MACROD2: variants seen among roughly 807,000 people sequenced by gnomAD.
MACROD2 encodes ADP-ribose glycohydrolase MACROD2.
A neutral mutation model predicts 70.4 loss-of-function variants in MACROD2; 36 were observed. The ratio of observed to expected loss-of-function variants is 0.51; its 90% CI spans 0.39 to 0.68. The LOEUF (loss-of-function observed/expected upper bound fraction) is 0.68, where lower values mean the gene tolerates loss of function less well. MACROD2 is among the 30% of genes least tolerant of loss of function. MACROD2 has a pLI of 0.00. For synonymous variants in MACROD2, 172 were observed against 178.8 expected, an observed-to-expected ratio of 0.96 and a Z score of 0.30; for missense variants, 496 against 538.4, an observed-to-expected ratio of 0.92 and a Z score of 0.78.
At chr20:14,159,193 G>T (rs530956282) in intron 3 of MACROD2, among the ~76,000 whole-genome samples, 1 of 152,220 alleles carries the variant, frequency 6.6e-6, no homozygotes, top group African/African-American at 2.4e-5. Context: ...AGCCTAGATT[G>T]CACCATTGCA....
chr20:15,243,016 C>A (rs175311), intron 6 of MACROD2, among the ~76,000 whole-genome samples: 40,706 of 152,144 alleles, frequency 0.27, 5,612 homozygotes, highest in Middle Eastern at 0.3. Flanking sequence ...ATGATTGTTT[C>A]AAAATGGTTC....
chr20:14,002,832 A>T (rs1161950134), intron 2 of MACROD2, among the ~76,000 whole-genome samples: 1 of 151,978 alleles, frequency 6.6e-6, no homozygotes, highest in Non-Finnish European at 1.5e-5. Flanking sequence ...ACCAAAGAAC[A>T]TTTCTCATTA....
chr20:14,307,851 G>T lies in MACROD2; in HGVS notation c.272-185628G>T, dbSNP rs139517502. 2.8e-3 allele frequency among the ~76,000 whole-genome samples: 426 copies of T among 152,110 alleles called. 3 individuals are homozygous for T. The highest frequency in any genetic ancestry group is 3.7e-3 in the Admixed American group (57 of 15,258). On this transcript the variant is annotated intron_variant, in intron 3 of 17. Transcript: ENST00000684519. ...TAGCATTTGAATTATAATCTCAGAGGATGTCCTTGATAGTGGAAGTATGGG... is the reference window on the plus strand; with the variant it reads ...TAGCATTTGAATTATAATCTCAGAGTATGTCCTTGATAGTGGAAGTATGGG...
At chr20:14,817,109 GT>G (rs1272035543) in intron 5 of MACROD2, among the ~76,000 whole-genome samples, 3 of 152,108 alleles carry the variant, frequency 2.0e-5, no homozygotes, top group Non-Finnish European at 4.4e-5. Flanking sequence ...CCGATTTACA[GT>G]TTTTCCTTTC....
intron 5 of MACROD2, among the ~76,000 whole-genome samples, chr20:15,189,418 G>C (rs1343614683): frequency 2.6e-5 from 4 of 152,084 alleles, no homozygotes; most frequent in African/African-American, 7.2e-5. Context: ...TAATTTTTCT[G>C]AGAATCAACC....
chr20:14,226,072 G>A (rs962819694), intron 3 of MACROD2, among the ~76,000 whole-genome samples: 6 of 152,210 alleles, frequency 3.9e-5, no homozygotes, highest in African/African-American at 1.4e-4. Context: ...TTGTTGATCA[G>A]TTCAGGTGGG....
intron 5 of MACROD2, among the ~76,000 whole-genome samples, chr20:14,933,166 C>A (rs1191809593): frequency 1.3e-5 from 2 of 151,764 alleles, no homozygotes; most frequent in African/African-American, 4.8e-5. Context: ...ACACAAAATC[C>A]CTTTATACAT....
chr20:15,515,959 C>T (rs1156605438), intron 8 of MACROD2, among the ~76,000 whole-genome samples: 1 of 152,170 alleles, frequency 6.6e-6, no homozygotes, highest in Non-Finnish European at 1.5e-5. Context: ...AAATTGGAGA[C>T]AGTCAAGACT....
chr20:15,980,321 G>A (rs757153297), intron 13 of MACROD2, among the ~76,000 whole-genome samples: 8 of 152,104 alleles, frequency 5.3e-5, no homozygotes, highest in African/African-American at 1.4e-4. Context: ...AATATAAAGC[G>A]ATATGGGAGG....
chr20:14,183,256 CACTT>C (rs1158730954), intron 3 of MACROD2, among the ~76,000 whole-genome samples: 1 of 151,690 alleles, frequency 6.6e-6, no homozygotes, highest in Non-Finnish European at 1.5e-5. Context: ...ATTTAGCTCT[CACTT>C]ATAAGTGAGA....
intron 6 of MACROD2, among the ~76,000 whole-genome samples, chr20:15,281,603 G>C (rs546228383): frequency 1.3e-5 from 2 of 152,280 alleles, no homozygotes; most frequent in East Asian, 3.9e-4. Context: ...TCACACCCAG[G>C]TCATGCTGAT....
intron 5 of MACROD2, among the ~76,000 whole-genome samples, chr20:15,107,518 T>C (rs527805480): frequency 6.6e-6 from 1 of 152,144 alleles, no homozygotes; most frequent in South Asian, 2.1e-4. Flanking sequence ...CTTCAACAAG[T>C]AACATACTCA....
intron 3 of MACROD2, among the ~76,000 whole-genome samples, chr20:14,306,424 G>C (rs1044085735): frequency 6.6e-6 from 1 of 151,972 alleles, no homozygotes; most frequent in African/African-American, 2.4e-5. Flanking sequence ...TCAATTTTAG[G>C]GGTCTGTTAT....
intron 3 of MACROD2, among the ~76,000 whole-genome samples, chr20:14,217,699 CT>C (rs1235676574): frequency 6.6e-6 from 1 of 152,038 alleles, no homozygotes; most frequent in African/African-American, 2.4e-5. Context: ...TGTTATTGGT[CT>C]GTTCAGGGTA....
intron 4 of MACROD2, among the ~76,000 whole-genome samples, chr20:14,660,039 A>G (rs1274492488): frequency 3.9e-5 from 6 of 152,214 alleles, no homozygotes; most frequent in Non-Finnish European, 2.9e-5. Flanking sequence ...AGTGATTTTA[A>G]TCACATTTAA....
At chr20:15,974,523 G>A (rs189100564) in intron 13 of MACROD2, among the ~76,000 whole-genome samples, 2 of 152,266 alleles carry the variant, frequency 1.3e-5, no homozygotes, top group Non-Finnish European at 2.9e-5. Flanking sequence ...TGGGGGTGGG[G>A]AGGGATGAAT....
chr20:14,642,423 G>A (rs904223098), intron 4 of MACROD2, among the ~76,000 whole-genome samples: 10 of 152,016 alleles, frequency 6.6e-5, no homozygotes, highest in South Asian at 2.1e-4. Context: ...CTTTTCCTTC[G>A]CATTCACATC....
intron 6 of MACROD2, among the ~76,000 whole-genome samples, chr20:15,235,579 T>TAAATGCA (rs1264790674): frequency 2.0e-5 from 3 of 152,350 alleles, no homozygotes; most frequent in African/African-American, 7.2e-5. Flanking sequence ...GTTGTTCCAC[T>TAAATGCA]GTAGTGTAGG....
chr20:15,769,610 A>G (rs77545895), intron 8 of MACROD2, among the ~76,000 whole-genome samples: 3,173 of 152,312 alleles, frequency 0.021, 105 homozygotes, highest in African/African-American at 0.073. Context: ...TGACATTATG[A>G]TGGCTATGAC....
Sources: allele counts gnomAD v4.1 joint callset (sites outside exome capture counted in the v4.1 genomes callset), GRCh38; gene constraint gnomAD v4.1.1; transcripts MANE v1.5; gene names NCBI Gene and HGNC (gene_info 2026-07-23, HGNC 2026-07-21).